The following COIL variants were observed in gnomAD, a reference collection of about 807,000 sequenced individuals.
COIL encodes the protein coilin p80.
In COIL, 28 loss-of-function variants were observed where a neutral mutation model predicts 51.6. The ratio of observed to expected loss-of-function variants is 0.54; its 90% confidence interval spans 0.40 to 0.74. The LOEUF is 0.74. COIL is among the 30% of genes least tolerant of loss of function. The probability of loss-of-function intolerance (pLI) is 0.00; values close to 1 mark genes in which losing one functional copy is unlikely to be tolerated. For synonymous variants in COIL, 233 were observed against 255.8 expected, an observed-to-expected ratio of 0.91 and a Z score of 0.85; for missense variants, 667 against 685.9, an observed-to-expected ratio of 0.97 and a Z score of 0.31.
chr17:56,952,309 G>T, intron 1 of COIL: 1 of 471,340 alleles, frequency 2.1e-6, no homozygotes, highest in South Asian at 1.6e-5. Context: ...CCACCAGTTT[G>T]GTTTCACTGT....
In COIL at chr17:56,950,727, G is replaced by A. The variant is rs1202020657; in HGVS notation, c.515C>T (p.Thr172Ile). Residue 172 changes from threonine to isoleucine, a missense_variant, in exon 2 of 7, where the codon ACA becomes ATA. Physicochemically the swap from Thr to Ile is moderately conservative, Grantham distance 89 (BLOSUM62 -1). Coordinates refer to ENST00000240316, the MANE Select transcript of COIL (RefSeq NM_004645.3). The stretch of plus-strand genomic sequence containing the variant: ...GGCCTCTTCGTTATCATCACCCACT[G>A]TGCCACAGGTTGCTTTATTTTTTCT... ...NKRKNKATCG[T>I]VGDDNEEAKR... 6.2e-7 allele frequency: 1 copy of A among 1,613,714 alleles called. No individual in the cohort carries two copies. The highest frequency in any genetic ancestry group is 8.5e-7 in the Non-Finnish European group (1 of 1,179,992).
rs763662227 is a variant in COIL at position 56,950,721 on chromosome 17, C to T, written c.521G>A (p.Gly174Asp). 9 of 1,613,580 alleles carry T rather than the reference C, an allele frequency of 5.6e-6. No homozygotes were observed. In the African/African-American group the frequency reaches 8.0e-5, roughly 14 times the overall value. The change falls in exon 2 of 7, where the codon GGT becomes GAT. Residue 174 changes from glycine (G) to aspartate (D), a missense_variant. Transcript: ENST00000240316. Reference protein sequence around the residue: ...RKNKATCGTVGDDNEEAKRKS... With the variant: ...RKNKATCGTVDDDNEEAKRKS... ...TCTTTTGGCCTCTTCGTTATCATCACCCACTGTGCCACAGGTTGCTTTATT... is the reference window on the plus strand; with the variant it reads ...TCTTTTGGCCTCTTCGTTATCATCATCCACTGTGCCACAGGTTGCTTTATT...
chr17:56,945,818 C>T (rs571742580), intron 5 of COIL, among the ~76,000 whole-genome samples: 24 of 152,268 alleles, frequency 1.6e-4, no homozygotes, highest in African/African-American at 3.4e-4. Flanking sequence ...CGGGTTCAAG[C>T]GATTCTCCTG....
At chr17:56,951,129 G>A (rs1363715471) in intron 1 of COIL, 133 bp from the exon 2 acceptor site, 7 of 878,140 alleles carry the variant, frequency 8.0e-6, no homozygotes, top group Non-Finnish European at 1.2e-5. Context: ...ATCACTTAAA[G>A]ACAAAAGACT....
rs11450212 is a variant in COIL, at chr17:56,948,132, ATT to A, written c.1488+1253_1488+1254del. On this transcript the variant is annotated intron_variant, in intron 4 of 6. Coordinates refer to ENST00000240316, the MANE Select transcript of COIL (RefSeq NM_004645.3). ...TCTTCCAGCCTGCTTTTGAGGAAAGATTTTTTTTTTTTTTTTTTTTGAGATGG... is the reference window on the plus strand; with the variant it reads ...TCTTCCAGCCTGCTTTTGAGGAAAGATTTTTTTTTTTTTTTTTTGAGATGG... Among the ~76,000 whole-genome samples the A allele has an allele frequency of 4.7e-3, 577 of 123,786 alleles. 2 individuals carry two copies. Among genetic ancestry groups the A allele is most frequent in the African/African-American group, 0.016 (539 of 32,818 alleles). 81.2% of individuals were successfully genotyped at this position (123,786 alleles called of 152,430 possible). A position where few individuals can be genotyped will look rare whatever the true frequency, so the allele number is the denominator to read the frequency against.
At position 56,950,265 on chromosome 17, in the gene COIL, T is replaced by C. The variant is rs1339045716; in HGVS notation, c.977A>G (p.Gln326Arg). 1 of 1,614,216 alleles carries C rather than the reference T, an allele frequency of 6.2e-7. No homozygotes were observed. Among genetic ancestry groups the C allele is most frequent in the Non-Finnish European group, 8.5e-7 (1 of 1,180,034 alleles). The change falls in exon 2 of 7, where the codon CAA becomes CGA. Residue 326 changes from glutamine to arginine, a missense_variant. Physicochemically the swap from Gln to Arg is conservative, Grantham distance 43. Coordinates refer to ENST00000240316, the MANE Select transcript of COIL (RefSeq NM_004645.3). The stretch of plus-strand genomic sequence containing the variant: ...CGGGGTGCTCGATGACATCAAGCAT[T>C]GGTCGTCTGACTCTGCACTAGAGTC... Reference protein sequence around the residue: ...SSDSSAESDDQCLMSSSTPEC... With the variant: ...SSDSSAESDDRCLMSSSTPEC...
At position 56,960,960 on chromosome 17, in the gene COIL, G is replaced by A. The variant is rs774970956; in HGVS notation, c.60C>T (p.Thr20=). The change falls in exon 1 of 7, where the codon ACC becomes ACT. Residue 20 remains threonine (T), a synonymous_variant. Coordinates refer to ENST00000240316, the MANE Select transcript of COIL (RefSeq NM_004645.3). ...RLQFDYPPPA[T]PHCTAFWLLV... is the part of the protein sequence containing the mutation. ...GAAGCCAGAAGGCCGTACAGTGCGG[G>A]GTAGCTGGCGGCGGGTAATCAAATT... 17 of 1,614,066 alleles carry A rather than the reference G, an allele frequency of 1.1e-5. No homozygotes were observed. The highest frequency in any genetic ancestry group is 7.7e-5 in the South Asian group (7 of 91,080).
At chr17:56,939,320 C>T (rs1010834285) in intron 6 of COIL, among the ~76,000 whole-genome samples, 166 bp from the exon 7 acceptor site, 7 of 152,016 alleles carry the variant, frequency 4.6e-5, no homozygotes, top group Non-Finnish European at 1.0e-4. Flanking sequence ...TTAGGCCAGG[C>T]GCTGTGGCTC....
At chr17:56,956,157 T>C (rs1419119246) in intron 1 of COIL, among the ~76,000 whole-genome samples, 4 of 152,216 alleles carry the variant, frequency 2.6e-5, no homozygotes, top group Admixed American at 1.3e-4. Context: ...AAAAAGTATA[T>C]GATAAAAGTA....
rs765111427 is a variant in COIL at position 56,949,665 on chromosome 17, T to C, written c.1440+16A>G. 1.9e-6 allele frequency: 3 copies of C among 1,606,084 alleles called. No homozygotes were observed. Among genetic ancestry groups the C allele is most frequent in the African/African-American group, 2.7e-5 (2 of 74,894 alleles). On this transcript the variant is annotated intron_variant, in intron 3 of 6. Coordinates refer to ENST00000240316, the MANE Select transcript of COIL (RefSeq NM_004645.3). ...GAATGAACCTTTTTTGCTGTGACTGTTCTTTTGAAATATACCTTAAATGCA... is the reference window on the plus strand; with the variant it reads ...GAATGAACCTTTTTTGCTGTGACTGCTCTTTTGAAATATACCTTAAATGCA...
At position 56,955,597 on chromosome 17, in the gene COIL, C is replaced by A. The variant is rs1910468427; in HGVS notation, c.246-4601G>T. Among the ~76,000 whole-genome samples the A allele has an allele frequency of 1.3e-5, 2 of 152,138 alleles. 1 individual carries two copies. The highest frequency in any genetic ancestry group is 4.1e-4 in the South Asian group (2 of 4,830). ...ATTTTTTTTAAAATCATTACCTCAGCCTTTCTCATCTATAAAAATGGGGAT... is the reference window on the plus strand; with the variant it reads ...ATTTTTTTTAAAATCATTACCTCAGACTTTCTCATCTATAAAAATGGGGAT... On this transcript the variant is annotated intron_variant, in intron 1 of 6. Transcript: ENST00000240316.
intron 4 of COIL, among the ~76,000 whole-genome samples, chr17:56,947,651 A>G (rs1244387368): frequency 6.6e-6 from 1 of 152,028 alleles, no homozygotes; most frequent in Non-Finnish European, 1.5e-5. Context: ...TTATATTTTT[A>G]GTAGAGATGG....
intron 5 of COIL, 86 bp from the exon 6 acceptor site, chr17:56,942,209 G>C: frequency 1.9e-6 from 2 of 1,062,508 alleles, no homozygotes; most frequent in East Asian, 2.4e-5. Context: ...ATATCATTAA[G>C]AAAACAACCA....
rs749169383 is a variant in COIL at position 56,951,008 on chromosome 17, A to G, written c.246-12T>C. 6.3e-7 allele frequency: 1 copy of G among 1,589,448 alleles called. No homozygotes were observed. The highest frequency in any genetic ancestry group is 1.8e-5 in the Admixed American group (1 of 55,966). Reference sequence around the variant, plus strand: ...CTTCTAATTTAACTCTGTCAAAAGAACAAGAGAGAAAGCTAGAGTGAGCAA... The same window carrying G: ...CTTCTAATTTAACTCTGTCAAAAGAGCAAGAGAGAAAGCTAGAGTGAGCAA... On this transcript the variant is annotated splice_polypyrimidine_tract_variant and intron_variant, in intron 1 of 6. Transcript: ENST00000240316.
chr17:56,960,237 A>C (rs572346692), intron 1 of COIL, among the ~76,000 whole-genome samples: 320 of 149,670 alleles, frequency 2.1e-3, no homozygotes, highest in Non-Finnish European at 3.7e-3. Flanking sequence ...AATAAAAATA[A>C]TAGGGGCAGG....
Position 56,950,952 on chromosome 17 carries a change from A to T in COIL, c.290T>A (p.Ile97Asn). 1 of 1,611,024 alleles carries T rather than the reference A, an allele frequency of 6.2e-7. No individual in the cohort carries two copies. Among genetic ancestry groups the T allele is most frequent in the Non-Finnish European group, 8.5e-7 (1 of 1,179,472 alleles). Reference sequence around the variant, plus strand: ...AGATAAATTAATGTCACCATTACTGATGACTACAGAATTCTCAGCAACTCC... The same window carrying T: ...AGATAAATTAATGTCACCATTACTGTTGACTACAGAATTCTCAGCAACTCC... ...ERGVAENSVV[I>N]SNGDINLSLR... Residue 97 changes from isoleucine to asparagine, a missense_variant, in exon 2 of 7, where the codon ATC becomes AAC. Ile to Asn is a moderately radical substitution (Grantham distance 149). Coordinates refer to ENST00000240316, the MANE Select transcript of COIL (RefSeq NM_004645.3).
Position 56,938,924 on chromosome 17 carries a change from G to GA in COIL, c.*146dup, listed in dbSNP as rs1910092833. On this transcript the variant is annotated 3_prime_UTR_variant, in exon 7 of 7. Transcript: ENST00000240316. ...CGACACCCATGTCATTTTAAATGATGAGGTAGATTGTTTCCTATGCAGTAA... is the reference window on the plus strand; with the variant it reads ...CGACACCCATGTCATTTTAAATGATGAAGGTAGATTGTTTCCTATGCAGTAA... 2.0e-6 allele frequency: 1 copy of GA among 489,622 alleles called. No individual in the cohort carries two copies. The highest frequency in any genetic ancestry group is 3.6e-6 in the Non-Finnish European group (1 of 275,912). The allele number at this position is 489,622 out of a possible 1,614,324, so 30.3% of individuals were successfully genotyped here. A position where few individuals can be genotyped will look rare whatever the true frequency, so the allele number is the denominator to read the frequency against.
chr17:56,941,399 G>A (rs770003185), intron 6 of COIL: 23 of 152,226 alleles, frequency 1.5e-4, no homozygotes, highest in Non-Finnish European at 2.3e-4. Flanking sequence ...GTAAAACCCC[G>A]TCTCTACCAA....
At chr17:56,944,033 G>GT (rs1445844932) in intron 5 of COIL, among the ~76,000 whole-genome samples, 1 of 150,010 alleles carries the variant, frequency 6.7e-6, no homozygotes, top group Non-Finnish European at 1.5e-5. Flanking sequence ...ACTCAGCTAT[G>GT]TTTTGTTTTT....
Sources: allele counts gnomAD v4.1 joint callset (sites outside exome capture counted in the v4.1 genomes callset), GRCh38; gene constraint gnomAD v4.1.1; transcripts MANE v1.5; gene names NCBI Gene and HGNC (gene_info 2026-07-23, HGNC 2026-07-21).